QARS1: variants seen among roughly 807,000 people sequenced by gnomAD.
The protein encoded by QARS1 is glutaminyl-tRNA synthetase 1.
In QARS1, 79 loss-of-function variants were observed where a neutral mutation model predicts 106.9. The observed-to-expected ratio is 0.74, with a 90% CI of 0.62 to 0.89. The LOEUF (loss-of-function observed/expected upper bound fraction) is 0.89, where lower values mean the gene tolerates loss of function less well. Among genes scored for constraint, QARS1 ranks in the 40% least tolerant of loss-of-function variants. QARS1 has a pLI of 0.00. For synonymous variants in QARS1, 395 were observed against 367.7 expected (o/e 1.07, Z -0.85); for missense variants, 966 against 997.2 (o/e 0.97, Z 0.42).
chr3:49,097,865 A>T (rs1403620282), intron 23 of QARS1, 127 bp downstream of exon 23: 3 of 1,346,134 alleles, frequency 2.2e-6, no homozygotes, highest in Non-Finnish European at 3.1e-6. Flanking sequence ...CCTCACTAGT[A>T]GAATATGAAT....
At chr3:49,101,265 G>T in intron 10 of QARS1, 90 bp downstream of exon 10, 2 of 1,010,906 alleles carry the variant, frequency 2.0e-6, no homozygotes, top group Non-Finnish European at 3.0e-6. Flanking sequence ...GTACATTATT[G>T]GGAGCAGACA....
At position 49,100,422 on chromosome 3, in the gene QARS1, T is replaced by A. The variant is rs1174267054; in HGVS notation, c.1013A>T (p.Tyr338Phe). ...TPYKVTYASDYFDQLYAWAVE... is the reference protein window; with the variant it reads ...TPYKVTYASDFFDQLYAWAVE... ...AGCCCACGCATATAGCTGGTCAAAA[T>A]AGTCAGACGCATATGTGACTTTGTA... The change falls in exon 12 of 24, where the codon TAT becomes TTT. Residue 338 changes from tyrosine (Y) to phenylalanine (F), a missense_variant. Physicochemically the swap from Tyr to Phe is conservative, Grantham distance 22. Transcript: ENST00000306125. 1 of 1,614,088 alleles carries A rather than the reference T, an allele frequency of 6.2e-7. No homozygotes were observed. Among genetic ancestry groups the A allele is most frequent in the African/African-American group, 1.3e-5 (1 of 74,910 alleles).
In QARS1 at chr3:49,098,943, C is replaced by G. The variant is rs972789446; in HGVS notation, c.1805G>C (p.Gly602Ala). 2.5e-6 allele frequency: 4 copies of G among 1,613,990 alleles called. No individual in the cohort carries two copies. Among genetic ancestry groups the G allele is most frequent in the Non-Finnish European group, 3.4e-6 (4 of 1,179,986 alleles). The part of the protein sequence containing the change: ...VPNFPADETK[G>A]FHQVPFAPIV... Reference sequence around the variant, plus strand: ...GGGTGCAAAGGGAACCTGATGGAAGCCTTTGGTCTCATCAGCTGGGAAGTT... The same window carrying G: ...GGGTGCAAAGGGAACCTGATGGAAGGCTTTGGTCTCATCAGCTGGGAAGTT... Residue 602 changes from glycine (G) to alanine (A), a missense_variant, in exon 19 of 24, where the codon GGC (glycine) becomes GCC (alanine). Physicochemically the swap from Gly to Ala is moderately conservative, Grantham distance 60. Transcript: ENST00000306125.
Position 49,098,194 on chromosome 3 carries a change from G to T in QARS1, c.2149C>A (p.Leu717Met). 1 of 1,614,130 alleles carries T rather than the reference G, an allele frequency of 6.2e-7. No individual in the cohort carries two copies. The highest frequency in any genetic ancestry group is 8.5e-7 in the Non-Finnish European group (1 of 1,180,026). The change falls in exon 22 of 24, where the codon CTG becomes ATG. Residue 717 changes from leucine to methionine, a missense_variant and splice_region_variant. By Grantham distance (15) the Leu-to-Met change is conservative. Coordinates refer to ENST00000306125, the MANE Select transcript of QARS1 (RefSeq NM_005051.3). The stretch of plus-strand genomic sequence containing the variant: ...CACCCCAAACCTCATGAACCTACCA[G>T]GTTCAGGTCACTTAAAAATCCACCA... ...VPGGFLSDLN[L>M]ASLHVVDAAL...
In QARS1 at chr3:49,099,503, CACCT is replaced by C; in HGVS notation, c.1526+3_1526+6del. ...TAACCTTTCATAAGCCAAACAGCCG[CACCT>C]ACCGCACAGCACCAGTTGCTACAAG... is the stretch of plus-strand genomic sequence containing the variant. On this transcript the variant is annotated splice_donor_5th_base_variant and intron_variant, in intron 16 of 23. Coordinates refer to ENST00000306125, the MANE Select transcript of QARS1 (RefSeq NM_005051.3). 6.2e-7 allele frequency: 1 copy of C among 1,614,198 alleles called. No individual in the cohort carries two copies. The highest frequency in any genetic ancestry group is 1.7e-5 in the Admixed American group (1 of 60,026).
chr3:49,102,550 C>T, intron 5 of QARS1, 78 bp from the exon 6 acceptor site: 1 of 1,527,418 alleles, frequency 6.5e-7, no homozygotes, highest in Non-Finnish European at 9.0e-7. Flanking sequence ...CCCACCAACC[C>T]AAGGCTTCCT....
At position 49,098,063 on chromosome 3, in the gene QARS1, T is replaced by C; in HGVS notation, c.2206A>G (p.Lys736Glu). 1 of 1,614,156 alleles carries C rather than the reference T, an allele frequency of 6.2e-7. No individual in the cohort carries two copies. The highest frequency in any genetic ancestry group is 8.5e-7 in the Non-Finnish European group (1 of 1,180,020). Residue 736 changes from lysine to glutamate, a missense_variant, in exon 23 of 24, where the codon AAA (lysine) becomes GAA (glutamate). By Grantham distance (56) the Lys-to-Glu change is moderately conservative (BLOSUM62 1). Coordinates refer to ENST00000306125, the MANE Select transcript of QARS1 (RefSeq NM_005051.3). ...TCAAACTGGAACTTGTCGAAGGGTT[T>C]TGCCAGGGCCACAGAGCAGTCCACT... ...ALVDCSVALA[K>E]PFDKFQFERL...
chr3:49,099,855 T>C lies in QARS1; in HGVS notation c.1296-2A>G. On this transcript the variant is annotated splice_acceptor_variant, in intron 14 of 23. Coordinates refer to ENST00000306125, the MANE Select transcript of QARS1 (RefSeq NM_005051.3). LOFTEE classifies it high-confidence loss of function. Reference sequence around the variant, plus strand: ...TAGTCGTAGGTGGGATAGATGCACCTGTGGGGCATAGGCAGTGGGCCCTAC... The same window carrying C: ...TAGTCGTAGGTGGGATAGATGCACCCGTGGGGCATAGGCAGTGGGCCCTAC... 1 of 1,613,890 alleles carries C rather than the reference T, an allele frequency of 6.2e-7. No individual in the cohort carries two copies. Among genetic ancestry groups the C allele is most frequent in the Non-Finnish European group, 8.5e-7 (1 of 1,179,932 alleles).
chr3:49,097,720 T>A (rs1421122314), intron 23 of QARS1, among the ~76,000 whole-genome samples: 1 of 151,820 alleles, frequency 6.6e-6, no homozygotes, highest in African/African-American at 2.4e-5. Flanking sequence ...CACTTGAACC[T>A]GGGAGGCAGA....
rs753102798 is a variant in QARS1, at chr3:49,098,499, GAGC to G, written c.1957-22_1957-20del. 5.4e-5 allele frequency: 87 copies of G among 1,614,028 alleles called. No individual in the cohort carries two copies. Among genetic ancestry groups the G allele is most frequent in the Non-Finnish European group, 6.5e-5 (77 of 1,180,000 alleles). ...TGGGGCCCTGGAAGTGGGGGGAGGG[GAGC>G]AGCAATTAGACCCGGGAACCACAAC... On this transcript the variant is annotated intron_variant, in intron 20 of 23. Coordinates refer to ENST00000306125, the MANE Select transcript of QARS1 (RefSeq NM_005051.3).
intron 5 of QARS1, among the ~76,000 whole-genome samples, chr3:49,102,961 A>G (rs1295048386): frequency 7.5e-6 from 1 of 133,502 alleles, no homozygotes; most frequent in Non-Finnish European, 1.6e-5. Flanking sequence ...ACCTTTTTTT[A>G]TTGTTGTTGA....
chr3:49,098,306 G>A, intron 21 of QARS1, 47 bp downstream of exon 21: 2 of 1,614,166 alleles, frequency 1.2e-6, no homozygotes, highest in Non-Finnish European at 1.7e-6. Context: ...GCCATAGCAG[G>A]CAATGTGCAT....
In QARS1 at chr3:49,099,587, C is replaced by T. The variant is rs1412509583; in HGVS notation, c.1449G>A (p.Glu483=). The T allele has an allele frequency of 1.2e-6, 2 of 1,614,074 alleles. No homozygotes were observed. ...ALDVYCPVQW[E]YGRLNLHYAV... ...CATAGTGCAGGTTGAGGCGGCCATA[C>T]TCCCACTGCACAGGGCAATAGACGT... The change falls in exon 16 of 24, where the codon GAG becomes GAA. Residue 483 remains glutamate, a synonymous_variant. Transcript: ENST00000306125.
rs776344968 is a variant in QARS1, at chr3:49,103,384, C to T, written c.477G>A (p.Trp159Ter). 3.1e-6 allele frequency: 5 copies of T among 1,614,006 alleles called. No individual in the cohort carries two copies. In the Admixed American group the frequency reaches 5.0e-5, roughly 16 times the overall value. The change falls in exon 5 of 24, where the codon TGG (tryptophan) becomes TGA (stop). Residue 159 changes from tryptophan to a stop codon, truncating the protein, a stop_gained. Coordinates refer to ENST00000306125, the MANE Select transcript of QARS1 (RefSeq NM_005051.3). LOFTEE classifies it high-confidence loss of function. ...LMGEARAVLK[W>*]ADGKMIKNEV... is the part of the protein sequence containing the mutation. ...CATTCTTGATCATTTTGCCATCTGCCCACTTCAGCACAGCCCGAGCCTCTC... is the reference window on the plus strand; with the variant it reads ...CATTCTTGATCATTTTGCCATCTGCTCACTTCAGCACAGCCCGAGCCTCTC...
In QARS1 at chr3:49,100,572, T is replaced by TA. The variant is rs2042456408; in HGVS notation, c.976+2dup. ...GCCCTTCTAGGCTTTGCCTAGTCCA[T>TA]ACCTAGCCAGGCTACCATGTCACAG... On this transcript the variant is annotated splice_region_variant and intron_variant, in intron 11 of 23. Transcript: ENST00000306125. The TA allele has an allele frequency of 3.1e-6, 5 of 1,599,664 alleles. No homozygotes were observed. The highest frequency in any genetic ancestry group is 3.4e-6 in the Non-Finnish European group (4 of 1,166,902).
Position 49,096,035 on chromosome 3 carries a change from C to G in QARS1, c.2322G>C (p.Lys774Asn). 6.2e-7 allele frequency: 1 copy of G among 1,613,908 alleles called. No individual in the cohort carries two copies. The highest frequency in any genetic ancestry group is 8.5e-7 in the Non-Finnish European group (1 of 1,179,944). The change falls in exon 24 of 24, where the codon AAG (lysine) becomes AAC (asparagine). Residue 774 changes from lysine to asparagine, a missense_variant. Transcript: ENST00000306125. ...TAGGTTCAGTGCTTCCAGCTCACAC[C>G]TTTCCTGGGTCTTCCTTCAGTGTGA... is the stretch of plus-strand genomic sequence containing the variant. ...RTVTLKEDPG[K>N]V
chr3:49,096,018 G>C lies in QARS1; in HGVS notation c.*11C>G. On this transcript the variant is annotated 3_prime_UTR_variant, in exon 24 of 24. Coordinates refer to ENST00000306125, the MANE Select transcript of QARS1 (RefSeq NM_005051.3). ...CCTCCAGGAGGATGAGGTAGGTTCA[G>C]TGCTTCCAGCTCACACCTTTCCTGG... is the stretch of plus-strand genomic sequence containing the variant. 1 of 1,613,626 alleles carries C rather than the reference G, an allele frequency of 6.2e-7. No individual in the cohort carries two copies.
chr3:49,103,863 A>G lies in QARS1; in HGVS notation c.375T>C (p.Ala125=), dbSNP rs2042503308. The change falls in exon 3 of 24, where the codon GCT becomes GCC. Residue 125 remains alanine (A), a splice_region_variant and synonymous_variant. Coordinates refer to ENST00000306125, the MANE Select transcript of QARS1 (RefSeq NM_005051.3). ...AGACGATGCCTGGGGAAAGACTCAC[A>G]GCCTCCTCAATCTGCTCTGGGGTCA... ...VIVTPEQIEE[A]VEAAINRHRP... 1 of 1,613,684 alleles carries G rather than the reference A, an allele frequency of 6.2e-7. No homozygotes were observed. Among genetic ancestry groups the G allele is most frequent in the South Asian group, 1.1e-5 (1 of 91,084 alleles).
At chr3:49,102,305 T>C in intron 6 of QARS1, 40 bp from the exon 7 acceptor site, 1 of 1,614,166 alleles carries the variant, frequency 6.2e-7, no homozygotes, top group Non-Finnish European at 8.5e-7. Context: ...TGGCATCAAA[T>C]TTTCTCTTGG....
Sources: allele counts gnomAD v4.1 joint callset (sites outside exome capture counted in the v4.1 genomes callset), GRCh38; gene constraint gnomAD v4.1.1; transcripts MANE v1.5; gene names NCBI Gene and HGNC (gene_info 2026-07-23, HGNC 2026-07-21).